LUZP2: variants seen among roughly 807,000 people sequenced by gnomAD.
LUZP2 encodes the protein leucine zipper protein 2.
LUZP2 carries 52 observed loss-of-function variants against 51.6 expected under a neutral mutation model. That is an observed-to-expected ratio of 1.01 (90% CI 0.81 to 1.27). The LOEUF (loss-of-function observed/expected upper bound fraction) is 1.27, where lower values mean the gene tolerates loss of function less well. Ranked by LOEUF, LUZP2 falls within the 50% of genes most tolerant of loss-of-function variation. LUZP2 has a pLI of 0.00. For missense variants in LUZP2, 436 were observed against 395.4 expected, an observed-to-expected ratio of 1.10 and a Z score of -0.87; for synonymous variants, 154 against 137.3, an observed-to-expected ratio of 1.12 and a Z score of -0.85.
At chr11:25,006,376 T>C (rs1208109126) in intron 9 of LUZP2, among the ~76,000 whole-genome samples, 1 of 152,162 alleles carries the variant, frequency 6.6e-6, no homozygotes, top group African/African-American at 2.4e-5. Context: ...GTTCTGCTCA[T>C]GGCCACAGGA....
intron 5 of LUZP2, chr11:24,892,505 G>T (rs763454115): frequency 5.3e-5 from 34 of 643,054 alleles, no homozygotes; most frequent in Non-Finnish European, 6.2e-5. Flanking sequence ...CTTCAATAAA[G>T]CGTATATATA....
chr11:24,767,661 C>A (rs1860243175), intron 5 of LUZP2, among the ~76,000 whole-genome samples: 1 of 152,208 alleles, frequency 6.6e-6, no homozygotes, highest in South Asian at 2.1e-4. Flanking sequence ...ACGTCACTTA[C>A]AAAGCCTAAC....
intron 7 of LUZP2, among the ~76,000 whole-genome samples, chr11:24,930,122 TTTTG>T (rs1170924766): frequency 6.6e-6 from 1 of 152,172 alleles, no homozygotes; most frequent in Non-Finnish European, 1.5e-5. Flanking sequence ...ATTTGAGTCT[TTTTG>T]TGTTGGGTGA....
At chr11:24,999,209 C>A (rs1369969485) in intron 9 of LUZP2, among the ~76,000 whole-genome samples, 1 of 152,122 alleles carries the variant, frequency 6.6e-6, no homozygotes, top group African/African-American at 2.4e-5. Flanking sequence ...TGACTAATTA[C>A]ATTTAGTTCT....
chr11:24,937,014 C>A (rs1167243229), intron 7 of LUZP2, among the ~76,000 whole-genome samples: 4 of 151,202 alleles, frequency 2.6e-5, no homozygotes, highest in Non-Finnish European at 5.9e-5. Flanking sequence ...TTTGGTAAAT[C>A]CTTTTGTTCA....
chr11:24,940,510 A>T (rs2133848347), intron 7 of LUZP2, among the ~76,000 whole-genome samples: 1 of 152,290 alleles, frequency 6.6e-6, no homozygotes, highest in Non-Finnish European at 1.5e-5. Flanking sequence ...TATTAATTTG[A>T]GCAAGGTAAG....
At chr11:24,891,676 G>A (rs1852858097) in intron 5 of LUZP2, 1 of 768,968 alleles carries the variant, frequency 1.3e-6, no homozygotes, top group Non-Finnish European at 1.6e-6. Context: ...GAATAACACT[G>A]TACTTGTTCC....
intron 1 of LUZP2, among the ~76,000 whole-genome samples, chr11:24,676,106 A>G (rs943274486): frequency 1.8e-4 from 27 of 152,156 alleles, no homozygotes; most frequent in Non-Finnish European, 1.3e-4. Context: ...GGAGTGAGCC[A>G]CCATGCCTAG....
intron 5 of LUZP2, among the ~76,000 whole-genome samples, chr11:24,787,708 T>C (rs143480193): frequency 3.1e-3 from 472 of 152,332 alleles, no homozygotes; most frequent in Non-Finnish European, 4.8e-3. Context: ...TTCTTTGTGG[T>C]ATATTAAATA....
intron 1 of LUZP2, among the ~76,000 whole-genome samples, chr11:24,580,934 T>C (rs1350697237): frequency 6.6e-6 from 1 of 152,104 alleles, no homozygotes; most frequent in African/African-American, 2.4e-5. Context: ...ATATATATTA[T>C]GAACCAAGTA....
rs1009246172 is a variant in LUZP2, at chr11:24,857,630, G to C, written c.397-48361G>C. ...AGTGCTAATATATGTAAAACACTTA[G>C]AGTAGTACCTGGTACAGTGTGAACG... On this transcript the variant is annotated intron_variant, in intron 5 of 11. Transcript: ENST00000336930. 2.0e-5 allele frequency among the ~76,000 whole-genome samples: 3 copies of C among 151,090 alleles called. No homozygotes were observed. In the Admixed American group the frequency reaches 2.0e-4, roughly 10 times the overall value.
intron 5 of LUZP2, among the ~76,000 whole-genome samples, chr11:24,777,719 T>C (rs1469042594): frequency 6.6e-6 from 1 of 152,172 alleles, no homozygotes; most frequent in Non-Finnish European, 1.5e-5. Flanking sequence ...CTTCATTTTA[T>C]TTTCTTTACA....
At chr11:24,785,922 T>C (rs1407775531) in intron 5 of LUZP2, 1 of 985,220 alleles carries the variant, frequency 1.0e-6, no homozygotes, top group African/African-American at 1.7e-5. Context: ...TAGCAGGAAC[T>C]ATAGATCTGA....
At chr11:24,530,762 CT>C (rs367857815) in intron 1 of LUZP2, among the ~76,000 whole-genome samples, 9,901 of 75,056 alleles carry the variant, frequency 0.13, 232 homozygotes, top group South Asian at 0.2. Flanking sequence ...CTTCTTCTTA[CT>C]TTTTTTTTTT....
Position 25,010,257 on chromosome 11 carries a change from A to G in LUZP2, c.765+26964A>G, listed in dbSNP as rs141881542. ...AATCTATGCTCTCTAAAATAAGTGT[A>G]TTAATAACATTGCTGCCCTGGCACT... On this transcript the variant is annotated intron_variant, in intron 9 of 11. Transcript: ENST00000336930. 2.0e-3 allele frequency among the ~76,000 whole-genome samples: 307 copies of G among 152,328 alleles called. 2 individuals carry two copies. The highest frequency in any genetic ancestry group is 6.7e-3 in the African/African-American group (278 of 41,580).
intron 9 of LUZP2, among the ~76,000 whole-genome samples, chr11:25,021,427 G>GTA (rs1857329491): frequency 2.3e-5 from 1 of 42,884 alleles, no homozygotes; most frequent in Non-Finnish European, 6.1e-5. Flanking sequence ...CACACAGGTT[G>GTA]TGTGTGTGTG....
chr11:24,902,877 TAAC>T (rs1853322434), intron 5 of LUZP2, among the ~76,000 whole-genome samples: 1 of 151,664 alleles, frequency 6.6e-6, no homozygotes, highest in Non-Finnish European at 1.5e-5. Flanking sequence ...CAAATAATAA[TAAC>T]AAAAATAAAT....
At chr11:24,637,609 G>T (rs368830336) in intron 1 of LUZP2, among the ~76,000 whole-genome samples, 2 of 151,678 alleles carry the variant, frequency 1.3e-5, no homozygotes, top group African/African-American at 4.9e-5. Context: ...CCTGGGGGGC[G>T]GTCTATGAAC....
chr11:24,788,182 T>A (rs1849302368), intron 5 of LUZP2, among the ~76,000 whole-genome samples: 3 of 5,738 alleles, frequency 5.2e-4, no homozygotes, highest in South Asian at 0.083. Flanking sequence ...TGTTTTTAAT[T>A]TTTTTTTTTT....
Sources: gnomAD v4.1 joint callset for allele counts (sites outside exome capture counted in the v4.1 genomes callset) on GRCh38, gnomAD v4.1.1 for gene constraint, MANE v1.5 for transcripts, NCBI Gene and HGNC (gene_info 2026-07-23, HGNC 2026-07-21) for gene names.